The following GARNL3 variants were observed in gnomAD, a reference collection of about 807,000 sequenced individuals.
GARNL3 encodes the protein GTPase-activating Rap/Ran-GAP domain-like protein 3.
GARNL3 carries 63 observed loss-of-function variants against 125.0 expected under a neutral mutation model. That is an observed-to-expected ratio of 0.50 (90% CI 0.41 to 0.62). The LOEUF (loss-of-function observed/expected upper bound fraction) is 0.62. Ranked by LOEUF, GARNL3 falls within the 20% of genes least tolerant of loss-of-function variation. The probability of loss-of-function intolerance (pLI) is 0.00; values close to 1 mark genes in which losing one functional copy is unlikely to be tolerated. For synonymous variants in GARNL3, 439 were observed against 457.5 expected, an observed-to-expected ratio of 0.96 and a Z score of 0.52; for missense variants, 994 against 1,244.0, an observed-to-expected ratio of 0.80 and a Z score of 3.02.
intron 2 of GARNL3, among the ~76,000 whole-genome samples, chr9:127,243,806 T>A (rs1413339466): frequency 1.3e-5 from 2 of 152,246 alleles, no homozygotes; most frequent in Non-Finnish European, 2.9e-5. Context: ...TGTGTTTTTA[T>A]ATTTACTCCT....
rs774997294 is a variant in GARNL3 at position 127,299,307 on chromosome 9, CAAAA to C, written c.219+8084_219+8087del. ...TGGGCAACAGTGCGAGACTCCGTCT[CAAAA>C]AAAAAAAAAAAAAAAAAAGAAAGAG... On this transcript the variant is annotated intron_variant, in intron 2 of 27. Coordinates refer to ENST00000373387, the MANE Select transcript of GARNL3 (RefSeq NM_032293.5). Among the ~76,000 whole-genome samples the C allele has an allele frequency of 1.3e-4, 3 of 22,570 alleles. No homozygotes were observed. The East Asian group carries it at 3.2e-3, about 24-fold the overall frequency. The allele number at this position is 22,570 out of a possible 152,430, so 14.8% of individuals were successfully genotyped here.
intron 2 of GARNL3, among the ~76,000 whole-genome samples, chr9:127,249,596 AATAG>A (rs2063364588): frequency 6.6e-6 from 1 of 152,162 alleles, no homozygotes; most frequent in East Asian, 1.9e-4. Flanking sequence ...AAAATAAATA[AATAG>A]ATAAATAAAT....
At chr9:127,337,850 A>G (rs543153131) in intron 11 of GARNL3, among the ~76,000 whole-genome samples, 10 of 152,122 alleles carry the variant, frequency 6.6e-5, no homozygotes, top group Non-Finnish European at 1.0e-4. Flanking sequence ...CTATATTTCT[A>G]TTGCTTTTCT....
In GARNL3 at chr9:127,264,945, G is replaced by A. The variant is rs772567389; in HGVS notation, c.68G>A (p.Cys23Tyr). The change falls in exon 1 of 28, where the codon TGT becomes TAT. Residue 23 changes from cysteine (C) to tyrosine (Y), a missense_variant. Coordinates refer to ENST00000373387, the MANE Select transcript of GARNL3 (RefSeq NM_032293.5). Reference protein sequence around the residue: ...SLCIILMKHFCSSSVSEDLGC... With the variant: ...SLCIILMKHFYSSSVSEDLGC... ...TGTATAATACTGATGAAGCATTTTTGTTCCAGCTCTGTCTCGGAAGACCTA... is the reference window on the plus strand; with the variant it reads ...TGTATAATACTGATGAAGCATTTTTATTCCAGCTCTGTCTCGGAAGACCTA... 4.3e-6 allele frequency: 7 copies of A among 1,613,112 alleles called. No individual in the cohort carries two copies. The highest frequency in any genetic ancestry group is 5.9e-6 in the Non-Finnish European group (7 of 1,179,512).
intron 2 of GARNL3, among the ~76,000 whole-genome samples, chr9:127,294,736 T>G (rs1588780251): frequency 6.6e-6 from 1 of 152,212 alleles, no homozygotes; most frequent in African/African-American, 2.4e-5. Flanking sequence ...TCATATAATG[T>G]GACAAAACAT....
intron 2 of GARNL3, among the ~76,000 whole-genome samples, chr9:127,297,665 T>G (rs2064644598): frequency 6.6e-6 from 1 of 152,208 alleles, no homozygotes; most frequent in South Asian, 2.1e-4. Context: ...CCGAATGATC[T>G]TGATGGATAA....
chr9:127,226,141 G>A (rs2062909246), intron 1 of GARNL3, among the ~76,000 whole-genome samples: 1 of 152,204 alleles, frequency 6.6e-6, no homozygotes, highest in Non-Finnish European at 1.5e-5. Context: ...TCCTAAAGCC[G>A]TGACTGTGCC....
In GARNL3 at chr9:127,385,747, C is replaced by T. The variant is rs1011006308; in HGVS notation, c.2388+602C>T. On this transcript the variant is annotated intron_variant, in intron 24 of 27. Transcript: ENST00000373387. This position sits in a 1 kb window ranked among gnomAD's most constrained non-coding sequence, Gnocchi z 4.1. ...GACTGGGCTGGCTCCCCCGCTGTGT[C>T]CCCTGTTCCCTTCCCTGGTCCTGAC... Among the ~76,000 whole-genome samples, 5 of 152,194 alleles carry T rather than the reference C, an allele frequency of 3.3e-5. No individual in the cohort carries two copies. Among genetic ancestry groups the T allele is most frequent in the African/African-American group, 9.6e-5 (4 of 41,460 alleles).
chr9:127,305,491 G>T (rs140393247), intron 2 of GARNL3, among the ~76,000 whole-genome samples: 1 of 152,124 alleles, frequency 6.6e-6, no homozygotes, highest in Non-Finnish European at 1.5e-5. Context: ...TTTGGAGTTG[G>T]GTTATTTCCC....
intron 1 of GARNL3, among the ~76,000 whole-genome samples, chr9:127,265,249 T>C (rs2063678947): frequency 6.6e-6 from 1 of 152,248 alleles, no homozygotes; most frequent in Non-Finnish European, 1.5e-5. Context: ...TTGTTAAAAA[T>C]ATGTTACGGC....
rs567084480 is a variant in GARNL3, at chr9:127,296,067, C to T, written c.219+4825C>T. On this transcript the variant is annotated intron_variant, in intron 2 of 27. Transcript: ENST00000373387. The stretch of plus-strand genomic sequence containing the variant: ...TGAGGAGCACACAACCTAGATCCCT[C>T]GCATGTGCATTTCACAATAGGGTTC... Among the ~76,000 whole-genome samples the T allele has an allele frequency of 3.9e-5, 6 of 152,284 alleles. No homozygotes were observed. The South Asian group carries it at 8.3e-4, about 21-fold the overall frequency.
chr9:127,338,203 T>TGA (rs756840544), intron 12 of GARNL3, 42 bp downstream of exon 12: 2 of 1,420,016 alleles, frequency 1.4e-6, no homozygotes, highest in Non-Finnish European at 2.0e-6. Flanking sequence ...CTAATTCTCA[T>TGA]GCTTGTTAAT....
At chr9:127,376,577 G>GCTTTCTTTCTTTCTTTCTTTCTTT (rs58810186) in intron 22 of GARNL3, among the ~76,000 whole-genome samples, 7 of 151,670 alleles carry the variant, frequency 4.6e-5, no homozygotes, top group African/African-American at 1.7e-4. Flanking sequence ...ATAGTGGACA[G>GCTTTCTTTCTTTCTTTCTTTCTTT]CTTTCTTTCT....
At chr9:127,381,053 AT>A (rs1315652809) in intron 22 of GARNL3, among the ~76,000 whole-genome samples, 3 of 152,076 alleles carry the variant, frequency 2.0e-5, no homozygotes, top group South Asian at 2.1e-4. Context: ...TGATTTTTGT[AT>A]TTTTGGTAGA....
At position 127,344,297 on chromosome 9, in the gene GARNL3, G is replaced by A; in HGVS notation, c.1314G>A (p.Lys438=). ...VLPESPKSAR[K]KEEARQAEFV... ...CAGAGTCACCCAAGTCAGCGCGGAAGAAAGAGGAGGCCCGCCAGGCGGAGT... is the reference window on the plus strand; with the variant it reads ...CAGAGTCACCCAAGTCAGCGCGGAAAAAAGAGGAGGCCCGCCAGGCGGAGT... Residue 438 remains lysine, a synonymous_variant, in exon 15 of 28, where the codon AAG becomes AAA. Coordinates refer to ENST00000373387, the MANE Select transcript of GARNL3 (RefSeq NM_032293.5). The A allele has an allele frequency of 6.2e-7, 1 of 1,614,134 alleles. No homozygotes were observed. The highest frequency in any genetic ancestry group is 1.1e-5 in the South Asian group (1 of 91,078).
chr9:127,267,398 T>G (rs1485488769), intron 1 of GARNL3, among the ~76,000 whole-genome samples: 1 of 152,226 alleles, frequency 6.6e-6, no homozygotes, highest in East Asian at 1.9e-4. Context: ...AAATTATGTA[T>G]TTAATTTAAT....
intron 8 of GARNL3, 104 bp downstream of exon 8, chr9:127,332,453 A>C: frequency 1.2e-6 from 1 of 843,080 alleles, no homozygotes; most frequent in Non-Finnish European, 2.0e-6. Context: ...AGTCTTTAAT[A>C]CGAGGAGATA....
chr9:127,251,045 T>G, intron 2 of GARNL3, among the ~76,000 whole-genome samples: 1 of 152,160 alleles, frequency 6.6e-6, no homozygotes, highest in East Asian at 1.9e-4. Flanking sequence ...AGTAACCCAT[T>G]TTTGGTGCTA....
chr9:127,366,050 T>C (rs1031301868), intron 22 of GARNL3, among the ~76,000 whole-genome samples: 3 of 152,146 alleles, frequency 2.0e-5, no homozygotes, highest in African/African-American at 7.2e-5. Context: ...AAAAATGATG[T>C]TTTAAGGGTA....
Sources: allele counts gnomAD v4.1 joint callset (sites outside exome capture counted in the v4.1 genomes callset), GRCh38; gene constraint gnomAD v4.1.1; non-coding constraint Gnocchi (gnomAD v3.1); transcripts MANE v1.5; gene names NCBI Gene and HGNC (gene_info 2026-07-23, HGNC 2026-07-21).